CC2D2A: variants seen among roughly 807,000 people sequenced by gnomAD.
The protein encoded by CC2D2A is coiled-coil and C2 domain containing 2A.
CC2D2A carries 155 observed loss-of-function variants against 212.9 expected under a neutral mutation model. The observed-to-expected ratio is 0.73, with a 90% CI of 0.64 to 0.83. The LOEUF is 0.83. Among genes scored for constraint, CC2D2A ranks in the 40% least tolerant of loss-of-function variants. The probability of loss-of-function intolerance (pLI) is 0.00; values close to 1 mark genes in which losing one functional copy is unlikely to be tolerated. For synonymous variants in CC2D2A, 667 were observed against 686.5 expected (o/e 0.97, Z 0.44); for missense variants, 1,856 against 1,956.2 (o/e 0.95, Z 0.97).
intron 22 of CC2D2A, 138 bp from the exon 23 acceptor site, chr4:15,560,393 C>T (rs2109061480): frequency 1.8e-6 from 1 of 548,316 alleles, no homozygotes; most frequent in Admixed American, 3.6e-5. Flanking sequence ...AGGAGACCAG[C>T]ATTGCAGAGG....
Position 15,513,805 on chromosome 4 carries a change from T to C in CC2D2A, c.718-902T>C, listed in dbSNP as rs1716706360. 3.3e-5 allele frequency among the ~76,000 whole-genome samples: 5 copies of C among 152,364 alleles called. No individual in the cohort carries two copies. In the South Asian group the frequency reaches 1.0e-3, roughly 32 times the overall value. On this transcript the variant is annotated intron_variant, in intron 8 of 36. Coordinates refer to ENST00000424120, the MANE Select transcript of CC2D2A (RefSeq NM_001378615.1). Reference sequence around the variant, plus strand: ...TCACTTGTTTGATGTTTTGGCATTCTCTGTCTTCAAGTTAAGTTAAAAGCA... The same window carrying C: ...TCACTTGTTTGATGTTTTGGCATTCCCTGTCTTCAAGTTAAGTTAAAAGCA...
intron 23 of CC2D2A, among the ~76,000 whole-genome samples, 159 bp downstream of exon 23, chr4:15,560,781 T>C (rs1449148312): frequency 6.6e-6 from 1 of 152,158 alleles, no homozygotes; most frequent in Non-Finnish European, 1.5e-5. Flanking sequence ...GATGATGACA[T>C]TAGTTGAGGG....
At chr4:15,508,481 T>C (rs1221136254) in intron 6 of CC2D2A, among the ~76,000 whole-genome samples, 1 of 152,238 alleles carries the variant, frequency 6.6e-6, no homozygotes, top group Non-Finnish European at 1.5e-5. Context: ...CTACCATTAA[T>C]GCACCTGACT....
chr4:15,570,459 T>C lies in CC2D2A; in HGVS notation c.3557T>C (p.Val1186Ala). 6.2e-7 allele frequency: 1 copy of C among 1,608,574 alleles called. No homozygotes were observed. The highest frequency in any genetic ancestry group is 8.5e-7 in the Non-Finnish European group (1 of 1,176,760). Reference protein sequence around the residue: ...TRIERHWLGCVKMPFSTIYFQ... With the variant: ...TRIERHWLGCAKMPFSTIYFQ... ...ATTGAGAGACACTGGCTGGGATGTGTGAAAATGCCATTTAGCACAATATAT... is the reference window on the plus strand; with the variant it reads ...ATTGAGAGACACTGGCTGGGATGTGCGAAAATGCCATTTAGCACAATATAT... Residue 1186 changes from valine (V) to alanine (A), a missense_variant, in exon 28 of 37, where the codon GTG becomes GCG. By Grantham distance (64) the Val-to-Ala change is moderately conservative. Transcript: ENST00000424120.
At chr4:15,538,264 C>T (rs912137312) in intron 16 of CC2D2A, 127 bp downstream of exon 16, 1 of 1,020,746 alleles carries the variant, frequency 9.8e-7, no homozygotes, top group Admixed American at 3.0e-5. Flanking sequence ...TCAGGAGTAT[C>T]ATTAACTCTA....
At chr4:15,476,053 A>G in intron 2 of CC2D2A, 82 bp downstream of exon 2, 1 of 1,189,268 alleles carries the variant, frequency 8.4e-7, no homozygotes, top group Non-Finnish European at 1.2e-6. Flanking sequence ...TGAGGAAGTT[A>G]GGCCAACCAG....
At position 15,597,137 on chromosome 4, in the gene CC2D2A, C is replaced by T. The variant is rs569153313; in HGVS notation, c.4438-270C>T. Among the ~76,000 whole-genome samples, 19 of 152,134 alleles carry T rather than the reference C, an allele frequency of 1.2e-4. No homozygotes were observed. The South Asian group carries it at 3.3e-3, about 27-fold the overall frequency. On this transcript the variant is annotated intron_variant, in intron 34 of 36. Transcript: ENST00000424120. Reference sequence around the variant, plus strand: ...CTCACCTATGAAAGTGCCTAGCACACAGCAGGCAATCAGTACTTGTTGAAT... The same window carrying T: ...CTCACCTATGAAAGTGCCTAGCACATAGCAGGCAATCAGTACTTGTTGAAT...
chr4:15,567,644 A>G, intron 25 of CC2D2A, 33 bp from the exon 26 acceptor site: 1 of 1,492,402 alleles, frequency 6.7e-7, no homozygotes, highest in Non-Finnish European at 9.1e-7. Flanking sequence ...TTGACTAACC[A>G]TTGGGAACTC....
intron 17 of CC2D2A, among the ~76,000 whole-genome samples, chr4:15,545,278 A>C (rs1361971080): frequency 6.6e-6 from 1 of 152,224 alleles, no homozygotes; most frequent in Non-Finnish European, 1.5e-5. Context: ...AAAGCATAGT[A>C]TATTTCAGAA....
chr4:15,495,321 C>G (rs1715551544), intron 4 of CC2D2A, among the ~76,000 whole-genome samples: 1 of 152,182 alleles, frequency 6.6e-6, no homozygotes, highest in African/African-American at 2.4e-5. Flanking sequence ...GTTGCCCAGG[C>G]TGGTCTTGAA....
rs541872174 is a variant in CC2D2A at position 15,529,900 on chromosome 4, T to A, written c.1466+1174T>A. Among the ~76,000 whole-genome samples the A allele has an allele frequency of 8.7e-3, 1,266 of 146,326 alleles. 22 individuals carry two copies. The highest frequency in any genetic ancestry group is 0.03 in the African/African-American group (1,207 of 40,636). On this transcript the variant is annotated intron_variant, in intron 13 of 36. Coordinates refer to ENST00000424120, the MANE Select transcript of CC2D2A (RefSeq NM_001378615.1). ...TTTATTTTTTAAATTTTATTTTTTT[T>A]AATTTTATTATTATTAAGTTTTAGG... is the stretch of plus-strand genomic sequence containing the variant.
At chr4:15,546,665 CAG>C (rs1247431154) in intron 17 of CC2D2A, among the ~76,000 whole-genome samples, 2 of 152,232 alleles carry the variant, frequency 1.3e-5, no homozygotes, top group Admixed American at 1.3e-4. Context: ...AAGTCCAAAA[CAG>C]ATGTTTTCAC....
intron 17 of CC2D2A, among the ~76,000 whole-genome samples, chr4:15,545,828 G>A (rs1000777814): frequency 1.3e-5 from 2 of 152,120 alleles, no homozygotes; most frequent in Non-Finnish European, 2.9e-5. Context: ...TCAGAGTTGG[G>A]CCAGGCACAG....
chr4:15,590,559 C>T (rs1051009676), intron 33 of CC2D2A, among the ~76,000 whole-genome samples: 5 of 152,028 alleles, frequency 3.3e-5, no homozygotes, highest in African/African-American at 1.2e-4. Flanking sequence ...GTTTAAACTC[C>T]AATTTTATCA....
chr4:15,589,428 C>T (rs1720993320), intron 32 of CC2D2A, 117 bp from the exon 33 acceptor site: 1 of 914,660 alleles, frequency 1.1e-6, no homozygotes, highest in African/African-American at 1.7e-5. Flanking sequence ...TCACCATTAA[C>T]CATGAAATTT....
At chr4:15,473,785 G>C (rs1713993608) in intron 1 of CC2D2A, among the ~76,000 whole-genome samples, 1 of 152,138 alleles carries the variant, frequency 6.6e-6, no homozygotes, top group East Asian at 1.9e-4. Flanking sequence ...AAAATAATCT[G>C]AAGCCAAAAC....
chr4:15,518,633 C>A (rs1449526876), intron 11 of CC2D2A, among the ~76,000 whole-genome samples: 1 of 152,246 alleles, frequency 6.6e-6, no homozygotes, highest in African/African-American at 2.4e-5. Context: ...CTGCAGCAAA[C>A]TTCTGCCTGG....
At chr4:15,557,529 G>T (rs1308686738) in intron 21 of CC2D2A, 22 bp downstream of exon 21, 3 of 1,516,490 alleles carry the variant, frequency 2.0e-6, no homozygotes, top group South Asian at 2.4e-5. Flanking sequence ...CCATAGAGGG[G>T]TTAATAAAAT....
At chr4:15,584,600 T>A (rs1381297233) in intron 30 of CC2D2A, among the ~76,000 whole-genome samples, 3 of 152,092 alleles carry the variant, frequency 2.0e-5, no homozygotes, top group Admixed American at 1.3e-4. Context: ...GGATTTTTTT[T>A]AGTAAGACCT....
Sources: gnomAD v4.1 joint callset for allele counts (sites outside exome capture counted in the v4.1 genomes callset) on GRCh38, gnomAD v4.1.1 for gene constraint, MANE v1.5 for transcripts, NCBI Gene and HGNC (gene_info 2026-07-23, HGNC 2026-07-21) for gene names.